The following NOP56 variants were observed in gnomAD, a reference collection of about 807,000 sequenced individuals.
The protein encoded by NOP56 is NOP56 ribonucleoprotein, also known as nucleolar protein 56.
NOP56 carries 31 observed loss-of-function variants against 58.3 expected under a neutral mutation model. That is an observed-to-expected ratio of 0.53 (90% CI 0.40 to 0.72). The LOEUF (loss-of-function observed/expected upper bound fraction) is 0.72. Among genes scored for constraint, NOP56 ranks in the 30% least tolerant of loss-of-function variants. The pLI is 0.00. For missense variants in NOP56, 669 were observed against 739.9 expected (o/e 0.90, Z 1.11); for synonymous variants, 313 against 282.8 (o/e 1.11, Z -1.07).
In NOP56 at chr20:2,657,881, T is replaced by C. The variant is rs144652695; in HGVS notation, c.1420-48T>C. The C allele has an allele frequency of 6.1e-3, 9,311 of 1,519,902 alleles. 35 individuals carry two copies. Among genetic ancestry groups the C allele is most frequent in the Non-Finnish European group, 7.3e-3 (8,323 of 1,135,078 alleles). 94.2% of individuals were successfully genotyped at this position (1,519,902 alleles called of 1,614,324 possible). On this transcript the variant is annotated intron_variant, in intron 11 of 11. Transcript: ENST00000329276. ...GCCTTGGCTACTTAATTGCTGAAGATGTAATGAGCACTGTTCTCACAGCCT... is the reference window on the plus strand; with the variant it reads ...GCCTTGGCTACTTAATTGCTGAAGACGTAATGAGCACTGTTCTCACAGCCT...
rs780530173 is a variant in NOP56, at chr20:2,655,749, G to A, written c.909+3G>A. 20 of 1,614,088 alleles carry A rather than the reference G, an allele frequency of 1.2e-5. No individual in the cohort carries two copies. In the South Asian group the frequency reaches 1.8e-4, roughly 14 times the overall value. On this transcript the variant is annotated splice_donor_region_variant and intron_variant, in intron 7 of 11. Transcript: ENST00000329276. ...TGTCAGCCCTAATTGGGGAAGCGGT[G>A]CGTCACAGGGGACTCAAAAATGGGA...
In NOP56 at chr20:2,655,763, T is replaced by C. The variant is rs1308303249; in HGVS notation, c.909+17T>C. ...GGGGAAGCGGTGCGTCACAGGGGAC[T>C]CAAAAATGGGAGAATAAGGACTGTT... On this transcript the variant is annotated intron_variant, in intron 7 of 11. Transcript: ENST00000329276. The C allele has an allele frequency of 1.9e-6, 3 of 1,614,044 alleles. No homozygotes were observed. Among genetic ancestry groups the C allele is most frequent in the Non-Finnish European group, 2.5e-6 (3 of 1,179,994 alleles).
chr20:2,652,819 T>TCG, intron 1 of NOP56, 23 bp from the exon 2 acceptor site: 1 of 1,603,216 alleles, frequency 6.2e-7, no homozygotes, highest in Non-Finnish European at 8.5e-7. Context: ...GCGTTGACGC[T>TCG]CGCGCCCCGG....
chr20:2,653,168 G>A lies in NOP56; in HGVS notation c.94-111G>A, dbSNP rs147930854. 5.3e-3 allele frequency: 4,860 copies of A among 914,646 alleles called. 20 individuals carry two copies. The highest frequency in any genetic ancestry group is 6.8e-3 in the Middle Eastern group (20 of 2,956). The allele number at this position is 914,646 out of a possible 1,614,324, so 56.7% of individuals were successfully genotyped here. A position where few individuals can be genotyped will look rare whatever the true frequency, so the allele number is the denominator to read the frequency against. ...ATTAAAGCAGAAGCTGGGATGTGGG[G>A]CCCAGGTATCAGCATATTTTAAGAG... On this transcript the variant is annotated intron_variant, in intron 2 of 11. Coordinates refer to ENST00000329276, the MANE Select transcript of NOP56 (RefSeq NM_006392.4).
At position 2,658,366 on chromosome 20, in the gene NOP56, G is replaced by A. The variant is rs1365095931; in HGVS notation, c.*72G>A. 1 of 1,607,836 alleles carries A rather than the reference G, an allele frequency of 6.2e-7. No homozygotes were observed. Among genetic ancestry groups the A allele is most frequent in the African/African-American group, 1.3e-5 (1 of 74,862 alleles). On this transcript the variant is annotated 3_prime_UTR_variant, in exon 12 of 12. Coordinates refer to ENST00000329276, the MANE Select transcript of NOP56 (RefSeq NM_006392.4). ...GGTGACATTTCCCACCCTGTGCCGTGTTCCCCAATAAAAACAAATTCACAA... is the reference window on the plus strand; with the variant it reads ...GGTGACATTTCCCACCCTGTGCCGTATTCCCCAATAAAAACAAATTCACAA...
intron 3 of NOP56, chr20:2,654,064 C>T: frequency 2.1e-6 from 1 of 466,532 alleles, no homozygotes; most frequent in South Asian, 1.7e-5. Flanking sequence ...TTGGAAAGGG[C>T]AGTTGGGTAA....
At chr20:2,656,636 C>T in intron 9 of NOP56, 87 bp downstream of exon 9, 1 of 1,606,334 alleles carries the variant, frequency 6.2e-7, no homozygotes, top group East Asian at 2.2e-5. Context: ...ACAATGATGG[C>T]AATATTTTTC....
intron 1 of NOP56, 77 bp downstream of exon 1, chr20:2,652,740 G>A (rs1373280682): frequency 4.6e-6 from 7 of 1,506,942 alleles, no homozygotes; most frequent in East Asian, 2.5e-5. Context: ...ACAGGGCCTG[G>A]GCCTGGGCCT....
In NOP56 at chr20:2,652,845, C is replaced by G. The variant is rs763025792; in HGVS notation, c.7C>G (p.Leu3Val). Residue 3 changes from leucine to valine, a missense_variant, in exon 2 of 12, where the codon CTG becomes GTG. Around this residue, in one of 3 missense-constraint regions of NOP56, gnomAD observed 121 missense variants for 113.1 expected, o/e 1.07. Coordinates refer to ENST00000329276, the MANE Select transcript of NOP56 (RefSeq NM_006392.4). ...CGCGCCCCGGCTCCCGTTCCAGGTG[C>G]TGTTGCACGTGCTGTTTGAGCACGC... is the stretch of plus-strand genomic sequence containing the variant. MV[L>V]LHVLFEHAVG... is the part of the protein sequence containing the mutation. The G allele has an allele frequency of 1.2e-6, 2 of 1,610,604 alleles. No individual in the cohort carries two copies. The highest frequency in any genetic ancestry group is 1.7e-6 in the Non-Finnish European group (2 of 1,178,940).
Position 2,656,778 on chromosome 20 carries a change from G to A in NOP56, c.1164G>A (p.Val388=). 2 of 1,614,160 alleles carry A rather than the reference G, an allele frequency of 1.2e-6. No individual in the cohort carries two copies. The highest frequency in any genetic ancestry group is 1.7e-6 in the Non-Finnish European group (2 of 1,180,038). ...TTGTCACCCACACACATCCAGAGGT[G>A]CCCACGAGTGTATTCGGGGAGAAGC... ...IASRIDCFSE[V]PTSVFGEKLR... Residue 388 remains valine, a synonymous_variant, in exon 10 of 12, where the codon GTG becomes GTA. Coordinates refer to ENST00000329276, the MANE Select transcript of NOP56 (RefSeq NM_006392.4).
chr20:2,657,997 G>T lies in NOP56; in HGVS notation c.1488G>T (p.Met496Ile), dbSNP rs772870277. 1.1e-5 allele frequency: 18 copies of T among 1,611,778 alleles called. No individual in the cohort carries two copies. The highest frequency in any genetic ancestry group is 1.4e-5 in the Non-Finnish European group (16 of 1,178,216). ...AGGAGGTTCCTCAGGAGAATGGAAT[G>T]GAAGACCCATCTATCTCTTTCTCCA... ...KPQEVPQENG[M>I]EDPSISFSKP... The change falls in exon 12 of 12, where the codon ATG becomes ATT. Residue 496 changes from methionine (M) to isoleucine (I), a missense_variant. Met to Ile is a conservative substitution (Grantham distance 10). This residue lies in a region of NOP56 where 209 missense variants were observed against 196.2 expected (regional missense o/e 1.07). Transcript: ENST00000329276.
intron 11 of NOP56, chr20:2,657,587 G>A (rs2086843001): frequency 2.0e-6 from 1 of 511,356 alleles, no homozygotes. Context: ...AATGTGCTAA[G>A]CTACAATCAT....
Position 2,656,183 on chromosome 20 carries a change from C to G in NOP56, c.1010+149C>G, listed in dbSNP as rs994699183. The G allele has an allele frequency of 2.5e-6, 4 of 1,606,690 alleles. No homozygotes were observed. In the East Asian group the frequency reaches 6.7e-5, roughly 27 times the overall value. ...GGCCAGTCCTGGTGTCTGAGTGATT[C>G]CCAGGGCCCAGCAAAGGGACCAAGT... On this transcript the variant is annotated intron_variant, in intron 8 of 11. Coordinates refer to ENST00000329276, the MANE Select transcript of NOP56 (RefSeq NM_006392.4).
intron 3 of NOP56, chr20:2,654,177 C>T (rs777663461): frequency 2.7e-6 from 2 of 731,314 alleles, no homozygotes; most frequent in Non-Finnish European, 5.0e-6. Flanking sequence ...TGCTATCAGA[C>T]CTGAATGCAG....
intron 2 of NOP56, 106 bp downstream of exon 2, chr20:2,653,037 G>T (rs2086770649): frequency 6.6e-6 from 7 of 1,052,638 alleles, no homozygotes; most frequent in South Asian, 1.6e-5. Context: ...GTTCGGGGCG[G>T]GGGGACGGGC....
At position 2,656,793 on chromosome 20, in the gene NOP56, C is replaced by T. The variant is rs146878231; in HGVS notation, c.1179C>T (p.Phe393=). 1.6e-5 allele frequency: 26 copies of T among 1,614,042 alleles called. No homozygotes were observed. The African/African-American group carries it at 2.1e-4, about 13-fold the overall frequency. Reference sequence around the variant, plus strand: ...ATCCAGAGGTGCCCACGAGTGTATTCGGGGAGAAGCTTCGAGAACAAGTTG... The same window carrying T: ...ATCCAGAGGTGCCCACGAGTGTATTTGGGGAGAAGCTTCGAGAACAAGTTG... ...DCFSEVPTSV[F]GEKLREQVEE... is the part of the protein sequence containing the mutation. The change falls in exon 10 of 12, where the codon TTC becomes TTT. Residue 393 remains phenylalanine, a synonymous_variant. Transcript: ENST00000329276.
chr20:2,656,057 ACAATCAGGTGCCACTTCTGGTGCC>A, intron 8 of NOP56, 23 bp downstream of exon 8: 1 of 1,614,058 alleles, frequency 6.2e-7, no homozygotes, highest in South Asian at 1.1e-5. Flanking sequence ...GCACCTGCCC[ACAATCAGGTGCCACTTCTGGTGCC>A]CACTGCTTGT....
intron 4 of NOP56, 79 bp from the exon 5 acceptor site, chr20:2,654,670 C>T: frequency 6.2e-7 from 1 of 1,606,074 alleles, no homozygotes; most frequent in Non-Finnish European, 8.5e-7. Context: ...CTGGGAAGGC[C>T]TTCAGGCTGG....
intron 1 of NOP56, 84 bp from the exon 2 acceptor site, chr20:2,652,758 C>CCCGGGCCCGGGCCTGG: frequency 1.7e-6 from 2 of 1,195,636 alleles, no homozygotes; most frequent in South Asian, 2.8e-5. Flanking sequence ...CCTGGGCCTG[C>CCCGGGCCCGGGCCTGG]GCCTGCGCCT....
Sources: gnomAD v4.1 joint callset for allele counts on GRCh38, gnomAD v4.1.1 for gene constraint, gnomAD v4.1.1 regional missense constraint, MANE v1.5 for transcripts, NCBI Gene and HGNC (gene_info 2026-07-23, HGNC 2026-07-21) for gene names.